Variants in RO60 observed in about 807,000 individuals in gnomAD.
RO60 encodes Ro60, Y RNA binding protein.
In RO60, 20 loss-of-function variants were observed where a neutral mutation model predicts 55.3. The ratio of observed to expected loss-of-function variants is 0.36; its 90% CI spans 0.25 to 0.53. RO60 has a LOEUF of 0.53. Ranked by LOEUF, RO60 falls within the 20% of genes least tolerant of loss-of-function variation. RO60 has a pLI of 0.92. For synonymous variants in RO60, 213 were observed against 213.6 expected, an observed-to-expected ratio of 1.00 and a Z score of 0.02; for missense variants, 558 against 646.6, an observed-to-expected ratio of 0.86 and a Z score of 1.49.
At chr1:193,082,074 A>C in intron 6 of RO60, 112 bp from the exon 7 acceptor site, 1 of 737,620 alleles carries the variant, frequency 1.4e-6, no homozygotes, top group Non-Finnish European at 2.4e-6. Flanking sequence ...CACACTAATA[A>C]AAAGTTAAGA....
At chr1:193,064,606 A>G (rs1358792269) in intron 1 of RO60, among the ~76,000 whole-genome samples, 1 of 152,210 alleles carries the variant, frequency 6.6e-6, no homozygotes, top group East Asian at 1.9e-4. Context: ...TATATAATCA[A>G]GTAGGAAGGT....
chr1:193,088,193 T>TTTTTTTTTAA lies in RO60; in HGVS notation c.*3462_*3463insTTTTTTTTAA, dbSNP rs1674704454. 1 of 100,546 alleles carries TTTTTTTTTAA rather than the reference T, an allele frequency of 9.9e-6. No individual in the cohort carries two copies. Among genetic ancestry groups the TTTTTTTTTAA allele is most frequent in the African/African-American group, 3.5e-5 (1 of 28,434 alleles). The allele number at this position is 100,546 out of a possible 1,614,324, so 6.2% of individuals were successfully genotyped here. A position where few individuals can be genotyped will look rare whatever the true frequency, so the allele number is the denominator to read the frequency against. On this transcript the variant is annotated 3_prime_UTR_variant, in exon 9 of 9. Transcript: ENST00000400968. ...TTTTTTTTTTTTTTTTTTTTTTTTT[T>TTTTTTTTTAA]AAGAGACAACGTCTCACTGTGTTGC...
intron 5 of RO60, among the ~76,000 whole-genome samples, 155 bp from the exon 6 acceptor site, chr1:193,081,209 A>T (rs1357238300): frequency 6.6e-6 from 1 of 152,186 alleles, no homozygotes; most frequent in Non-Finnish European, 1.5e-5. Flanking sequence ...CTGCTATGCC[A>T]GATGAGCATT....
chr1:193,076,492 T>C lies in RO60; in HGVS notation c.802-9T>C. ...ATTCCTGGTATTTCTGCCTATGTTATTGCAATAGGTATGGAAGGCTTTGTT... is the reference window on the plus strand; with the variant it reads ...ATTCCTGGTATTTCTGCCTATGTTACTGCAATAGGTATGGAAGGCTTTGTT... On this transcript the variant is annotated splice_polypyrimidine_tract_variant and intron_variant, in intron 3 of 8. Transcript: ENST00000400968. 3 of 1,607,950 alleles carry C rather than the reference T, an allele frequency of 1.9e-6. No individual in the cohort carries two copies. The highest frequency in any genetic ancestry group is 2.5e-6 in the Non-Finnish European group (3 of 1,178,114).
At chr1:193,069,694 AT>A in intron 2 of RO60, 60 bp downstream of exon 2, 1 of 1,325,316 alleles carries the variant, frequency 7.5e-7, no homozygotes, top group Non-Finnish European at 1.0e-6. Context: ...TAAATAGCAA[AT>A]TTTTATTTAA....
intron 6 of RO60, among the ~76,000 whole-genome samples, chr1:193,081,931 C>T (rs918949441): frequency 6.6e-6 from 1 of 152,062 alleles, no homozygotes; most frequent in African/African-American, 2.4e-5. Flanking sequence ...AGCTTCTTTA[C>T]TGGGGCTTTA....
chr1:193,078,227 C>T (rs887019810), intron 5 of RO60, among the ~76,000 whole-genome samples: 63 of 151,990 alleles, frequency 4.1e-4, no homozygotes, highest in Non-Finnish European at 7.9e-4. Context: ...AAAATAAAAC[C>T]ACTAAACCTG....
Position 193,076,967 on chromosome 1 carries a change from C to T in RO60, c.1003C>T (p.His335Tyr). The T allele has an allele frequency of 6.2e-7, 1 of 1,613,196 alleles. No homozygotes were observed. The highest frequency in any genetic ancestry group is 8.5e-7 in the Non-Finnish European group (1 of 1,179,460). ...CGCATTAGAAACTTACAAGACAGGT[C>T]ATGGTCTCAGAGGGAAACTGAAGTG... ...LIALETYKTG[H>Y]GLRGKLKWRP... The change falls in exon 5 of 9, where the codon CAT (histidine) becomes TAT (tyrosine). Residue 335 changes from histidine (H) to tyrosine (Y), a missense_variant. By Grantham distance (83) the His-to-Tyr change is moderately conservative. Coordinates refer to ENST00000400968, the MANE Select transcript of RO60 (RefSeq NM_001173524.2).
Position 193,084,723 on chromosome 1 carries a change from A to T in RO60, c.1609A>T (p.Met537Leu). ...LDVIRNFTLD[M>L]I ...TGTAATTCGAAATTTCACATTAGAT[A>T]TGATTTAACCATAAGCAGCAGCACG... The change falls in exon 9 of 9, where the codon ATG becomes TTG. Residue 537 changes from methionine (M) to leucine (L), a missense_variant. Coordinates refer to ENST00000400968, the MANE Select transcript of RO60 (RefSeq NM_001173524.2). 2 of 1,612,620 alleles carry T rather than the reference A, an allele frequency of 1.2e-6. No individual in the cohort carries two copies. Among genetic ancestry groups the T allele is most frequent in the South Asian group, 1.1e-5 (1 of 90,604 alleles).
chr1:193,076,396 A>G lies in RO60; in HGVS notation c.802-105A>G, dbSNP rs1229761656. The stretch of plus-strand genomic sequence containing the variant: ...ATTCTGAAAGTACTTTGAACCCCAA[A>G]TGAAAGCCTCAGAGACTGTATTATG... On this transcript the variant is annotated intron_variant, in intron 3 of 8. Coordinates refer to ENST00000400968, the MANE Select transcript of RO60 (RefSeq NM_001173524.2). The G allele has an allele frequency of 4.9e-6, 6 of 1,234,664 alleles. No homozygotes were observed. The East Asian group carries it at 1.6e-4, about 34-fold the overall frequency. The allele number at this position is 1,234,664 out of a possible 1,614,324, so 76.5% of individuals were successfully genotyped here. A position where few individuals can be genotyped will look rare whatever the true frequency, so the allele number is the denominator to read the frequency against.
intron 1 of RO60, among the ~76,000 whole-genome samples, chr1:193,060,854 C>G (rs985508781): frequency 2.6e-5 from 4 of 152,132 alleles, no homozygotes; most frequent in Non-Finnish European, 5.9e-5. Context: ...GTTTAAGAGG[C>G]ACAGAGTCCA....
At chr1:193,077,896 G>A (rs1266876769) in intron 5 of RO60, among the ~76,000 whole-genome samples, 1 of 152,052 alleles carries the variant, frequency 6.6e-6, no homozygotes, top group African/African-American at 2.4e-5. Flanking sequence ...TTGGTCCTCT[G>A]TTTTCCCCAT....
chr1:193,077,089 G>A, intron 5 of RO60, 39 bp downstream of exon 5: 2 of 1,553,502 alleles, frequency 1.3e-6, no homozygotes, highest in Admixed American at 3.6e-5. Flanking sequence ...AATGACTGAA[G>A]ACTTAATATC....
Position 193,084,736 on chromosome 1 carries a change from A to C in RO60, c.*5A>C. 6.8e-6 allele frequency: 11 copies of C among 1,610,698 alleles called. No homozygotes were observed. Among genetic ancestry groups the C allele is most frequent in the Non-Finnish European group, 9.3e-6 (11 of 1,178,832 alleles). ...TTCACATTAGATATGATTTAACCATAAGCAGCAGCACGATCCAGAGATCCA... is the reference window on the plus strand; with the variant it reads ...TTCACATTAGATATGATTTAACCATCAGCAGCAGCACGATCCAGAGATCCA... On this transcript the variant is annotated 3_prime_UTR_variant, in exon 9 of 9. Transcript: ENST00000400968.
intron 2 of RO60, among the ~76,000 whole-genome samples, chr1:193,072,997 T>C (rs1449235066): frequency 6.6e-6 from 1 of 152,190 alleles, no homozygotes; most frequent in African/African-American, 2.4e-5. Context: ...AACTCTAAGC[T>C]ACAGAATTAA....
At chr1:193,070,998 G>T (rs572061229) in intron 2 of RO60, among the ~76,000 whole-genome samples, 1 of 152,280 alleles carries the variant, frequency 6.6e-6, no homozygotes, top group East Asian at 1.9e-4. Flanking sequence ...TGATACCAGG[G>T]ACTGGTTTTG....
rs1473197029 is a variant in RO60 at position 193,076,017 on chromosome 1, A to G, written c.778A>G (p.Thr260Ala). ...TAGATTAGTTAGAGAACATCTTTTA[A>G]CAAATCACTTAAAGTCTAAAGAGGT... ...EHRLVREHLL[T>A]NHLKSKEVWK... The change falls in exon 3 of 9, where the codon ACA becomes GCA. Residue 260 changes from threonine (T) to alanine (A), a missense_variant. Thr to Ala is a moderately conservative substitution (Grantham distance 58). Coordinates refer to ENST00000400968, the MANE Select transcript of RO60 (RefSeq NM_001173524.2). 1.2e-6 allele frequency: 2 copies of G among 1,608,532 alleles called. No individual in the cohort carries two copies.
Position 193,084,430 on chromosome 1 carries a change from T to G in RO60, c.1465-149T>G. 3.4e-6 allele frequency: 3 copies of G among 873,046 alleles called. No individual in the cohort carries two copies. The South Asian group carries it at 5.7e-5, about 16-fold the overall frequency. 54.1% of individuals were successfully genotyped at this position (873,046 alleles called of 1,614,324 possible). ...TGTCCCTTCTTCTAAAACTCCCATA[T>G]TCTAGCCTTAAAAGATTGACCCCCG... On this transcript the variant is annotated intron_variant, in intron 8 of 8. Transcript: ENST00000400968.
Position 193,069,587 on chromosome 1 carries a change from C to T in RO60, c.533C>T (p.Ser178Phe), listed in dbSNP as rs750184035. ...VTKYKQRNGW[S>F]HKDLLRLSHL... ...AAATATAAACAGAGAAATGGCTGGT[C>T]TCACAAAGATCTATTAAGATTGTCA... The change falls in exon 2 of 9, where the codon TCT becomes TTT. Residue 178 changes from serine to phenylalanine, a missense_variant. Ser to Phe is a radical substitution (Grantham distance 155). Transcript: ENST00000400968. 2.5e-6 allele frequency: 4 copies of T among 1,614,026 alleles called. No individual in the cohort carries two copies. The highest frequency in any genetic ancestry group is 1.7e-5 in the Admixed American group (1 of 60,010).
Sources: gnomAD v4.1 joint callset for allele counts (sites outside exome capture counted in the v4.1 genomes callset) on GRCh38, gnomAD v4.1.1 for gene constraint, MANE v1.5 for transcripts, NCBI Gene and HGNC (gene_info 2026-07-23, HGNC 2026-07-21) for gene names.